Variants in ZNF232 observed in about 807,000 individuals in gnomAD.
The protein encoded by ZNF232 is zinc finger and SCAN domain-containing protein 11.
A neutral mutation model predicts 25.2 loss-of-function variants in ZNF232; 25 were observed. That is an observed-to-expected ratio of 0.99 (90% CI 0.72 to 1.39). ZNF232 has a LOEUF of 1.39. ZNF232 is among the 40% of genes most tolerant of loss of function. The pLI is 0.00. For synonymous variants in ZNF232, 193 were observed against 182.9 expected, an observed-to-expected ratio of 1.06 and a Z score of -0.45; for missense variants, 519 against 520.9, an observed-to-expected ratio of 1.00 and a Z score of 0.04.
intron 3 of ZNF232, among the ~76,000 whole-genome samples, chr17:5,107,764 G>A (rs2072296979): frequency 6.6e-6 from 1 of 152,084 alleles, no homozygotes; most frequent in Non-Finnish European, 1.5e-5. Flanking sequence ...TTGAACTCCT[G>A]ACCCAAGTGA....
At chr17:5,109,093 A>C (rs1005374138) in intron 2 of ZNF232, 41 bp from the exon 3 acceptor site, 1 of 1,612,912 alleles carries the variant, frequency 6.2e-7, no homozygotes, top group African/African-American at 1.3e-5. Flanking sequence ...ATTTTCTTCA[A>C]ATTACTAGTG....
exon 4 of ZNF232, chr17:5,105,989 A>G (rs757694731): frequency 6.2e-7 from 1 of 1,614,118 alleles, no homozygotes; most frequent in Admixed American, 1.7e-5. Context: ...TCCCACACTC[A>G]TTACACTCAT....
chr17:5,106,321 G>C, exon 4 of ZNF232: 1 of 1,614,178 alleles, frequency 6.2e-7, no homozygotes. Flanking sequence ...TCCTGGGCAG[G>C]GGACCACCTC....
chr17:5,109,598 G>C, exon 2 of ZNF232: 1 of 1,614,224 alleles, frequency 6.2e-7, no homozygotes, highest in African/African-American at 1.3e-5. Flanking sequence ...CTCGTAGTTG[G>C]CTCAAGGCCT....
At chr17:5,108,527 A>C (rs2072317113) in intron 3 of ZNF232, among the ~76,000 whole-genome samples, 1 of 152,124 alleles carries the variant, frequency 6.6e-6, no homozygotes, top group Non-Finnish European at 1.5e-5. Flanking sequence ...GTTTAAAAAA[A>C]AAAAAAGGAT....
At chr17:5,121,300 A>C in intron 1 of ZNF232, 1 of 354,080 alleles carries the variant, frequency 2.8e-6, no homozygotes, top group South Asian at 2.2e-5. Context: ...GGGCTAGGAT[A>C]TGGTTCTCAG....
chr17:5,108,929 T>C lies in ZNF232; in HGVS notation c.622A>G (p.Ser208Gly). The C allele has an allele frequency of 6.2e-7, 1 of 1,614,010 alleles. No homozygotes were observed. Residue 208 changes from serine (S) to glycine (G), a missense_variant, in exon 3 of 4, where the codon AGT becomes GGT. Coordinates refer to ENST00000575898, the Ensembl canonical transcript of ZNF232. ...CCCACAGAATCCTGCTCCTCACCAC[T>C]CTTTGGGAAAGGCTGGGTCTCCTTA... is the stretch of plus-strand genomic sequence containing the variant.
chr17:5,116,662 G>C (rs1411517665), upstream of ZNF232: 1 of 152,276 alleles, frequency 6.6e-6, no homozygotes, highest in Admixed American at 6.5e-5. Context: ...AAGGAACTGG[G>C]AGACCCAAGA....
At position 5,109,391 on chromosome 17, in the gene ZNF232, C is replaced by T. The variant is rs1199142528; in HGVS notation, c.498+3G>A. 3.7e-6 allele frequency: 6 copies of T among 1,614,022 alleles called. No homozygotes were observed. In the East Asian group the frequency reaches 8.9e-5, roughly 24 times the overall value. On this transcript the variant is annotated splice_donor_region_variant and intron_variant, in intron 2 of 3. Coordinates refer to ENST00000575898, the Ensembl canonical transcript of ZNF232. ...CCATAACAGACCAAATCCCCCTTCC[C>T]ACCTGCGGCTCTGGTTCAAGTCCTT...
At chr17:5,111,856 C>T (rs77618631), upstream of ZNF232, 7 of 1,613,508 alleles carry the variant, frequency 4.3e-6, no homozygotes, top group African/African-American at 2.7e-5. Flanking sequence ...CACTTACAGC[C>T]CTCACCCCAG....
At chr17:5,109,450 C>T (rs376782980) in exon 2 of ZNF232, 1 of 1,613,990 alleles carries the variant, frequency 6.2e-7, no homozygotes, top group African/African-American at 1.3e-5. Context: ...ACAGCCTCCT[C>T]TCCACTCTTA....
At chr17:5,107,039 G>C (rs915968867) in intron 3 of ZNF232, among the ~76,000 whole-genome samples, 1 of 151,756 alleles carries the variant, frequency 6.6e-6, no homozygotes, top group African/African-American at 2.4e-5. Flanking sequence ...AGGACTTCCA[G>C]CTCCCTGCCT....
chr17:5,108,819 C>A, intron 3 of ZNF232, 107 bp downstream of exon 3: 2 of 1,535,676 alleles, frequency 1.3e-6, no homozygotes, highest in South Asian at 1.2e-5. Flanking sequence ...TGTGATGATA[C>A]CAAACATTTA....
chr17:5,118,963 G>A (rs1472423187), intron 1 of ZNF232, among the ~76,000 whole-genome samples: 1 of 152,192 alleles, frequency 6.6e-6, no homozygotes, highest in Non-Finnish European at 1.5e-5. Context: ...CCAATCGGGA[G>A]GGAGTAAGCA....
At chr17:5,118,636 A>G (rs1008488493) in intron 1 of ZNF232, among the ~76,000 whole-genome samples, 6 of 152,238 alleles carry the variant, frequency 3.9e-5, no homozygotes, top group Admixed American at 2.0e-4. Context: ...TGGGTAGCCA[A>G]ACTTGGTGGG....
chr17:5,108,208 C>T lies in ZNF232; in HGVS notation c.625+718G>A, dbSNP rs559961315. On this transcript the variant is annotated intron_variant, in intron 3 of 3. Transcript: ENST00000575898. ...GGTGTAAAAGCAAATATCAAGTAGA[C>T]TCTTCTTGGTTAGCCGCATATTCAC... Among the ~76,000 whole-genome samples, 4 of 152,306 alleles carry T rather than the reference C, an allele frequency of 2.6e-5. No individual in the cohort carries two copies. The South Asian group carries it at 8.3e-4, about 32-fold the overall frequency.
intron 3 of ZNF232, among the ~76,000 whole-genome samples, chr17:5,107,215 C>T (rs1192727622): frequency 1.3e-5 from 2 of 151,456 alleles, no homozygotes; most frequent in African/African-American, 4.9e-5. Flanking sequence ...GGTGAAACCC[C>T]GTCTCTACTA....
chr17:5,111,963 G>C (rs2143631224), upstream of ZNF232: 2 of 1,279,388 alleles, frequency 1.6e-6, no homozygotes, highest in Non-Finnish European at 2.1e-6. Flanking sequence ...GCCCAGGCGC[G>C]TGGGCGCTGC....
At chr17:5,114,458 C>T (rs1235213013), upstream of ZNF232, 6 of 152,294 alleles carry the variant, frequency 3.9e-5, no homozygotes, top group Admixed American at 3.9e-4. Context: ...TTGTGAGCTC[C>T]CCTTCAAATC....
Sources: gnomAD v4.1 joint callset for allele counts (sites outside exome capture counted in the v4.1 genomes callset) on GRCh38, gnomAD v4.1.1 for gene constraint, MANE v1.5 for transcripts, NCBI Gene and HGNC (gene_info 2026-07-23, HGNC 2026-07-21) for gene names.